KSR2: variants seen among roughly 807,000 people sequenced by gnomAD.
KSR2 encodes kinase suppressor of ras 2.
A neutral mutation model predicts 107.8 loss-of-function variants in KSR2; 25 were observed. The observed-to-expected ratio is 0.23, with a 90% CI of 0.17 to 0.32. The LOEUF is 0.32. Ranked by LOEUF, KSR2 falls within the 10% of genes least tolerant of loss-of-function variation. The pLI is 1.00. For synonymous variants in KSR2, 480 were observed against 507.0 expected, an observed-to-expected ratio of 0.95 and a Z score of 0.71; for missense variants, 887 against 1,268.9, an observed-to-expected ratio of 0.70 and a Z score of 4.57.
intron 7 of KSR2, among the ~76,000 whole-genome samples, chr12:117,569,888 GC>G (rs1417220502): frequency 1.3e-5 from 2 of 152,250 alleles, no homozygotes; most frequent in East Asian, 3.9e-4. Context: ...TCAAGCAACT[GC>G]AAGTTCACAT....
chr12:117,901,107 C>T (rs1894668931), intron 1 of KSR2, among the ~76,000 whole-genome samples: 1 of 151,852 alleles, frequency 6.6e-6, no homozygotes, highest in Non-Finnish European at 1.5e-5. Context: ...GTGCACAGTG[C>T]GTCATGGAAG....
At position 117,717,665 on chromosome 12, in the gene KSR2, AGG is replaced by A. The variant is rs1491370370; in HGVS notation, c.986+43344_986+43345del. On this transcript the variant is annotated intron_variant, in intron 4 of 19. Transcript: ENST00000339824. ...TCCATGTGGCATGTGTGGGGCAGAC[AGG>A]TGTGTGTGTGTGTGTGTGTGTGTGT... Among the ~76,000 whole-genome samples the A allele has an allele frequency of 4.7e-3, 627 of 132,624 alleles. 3 individuals carry two copies. The highest frequency in any genetic ancestry group is 0.016 in the African/African-American group (559 of 35,228). The allele number at this position is 132,624 out of a possible 152,430, so 87.0% of individuals were successfully genotyped here.
chr12:117,760,345 A>G (rs1159038587), intron 4 of KSR2, among the ~76,000 whole-genome samples: 1 of 152,192 alleles, frequency 6.6e-6, no homozygotes, highest in East Asian at 1.9e-4. Context: ...TACCACCTTC[A>G]ACTGAGATGA....
At chr12:117,720,795 G>T (rs1437002465) in intron 4 of KSR2, among the ~76,000 whole-genome samples, 3 of 152,174 alleles carry the variant, frequency 2.0e-5, no homozygotes, top group African/African-American at 7.2e-5. Context: ...CAGCAGAAGT[G>T]ATCTTGAGCC....
chr12:117,868,622 C>T (rs1449997147), intron 1 of KSR2, among the ~76,000 whole-genome samples: 1 of 152,052 alleles, frequency 6.6e-6, no homozygotes, highest in Non-Finnish European at 1.5e-5. Flanking sequence ...GTCATTTGCT[C>T]ACAATCACAC....
intron 1 of KSR2, among the ~76,000 whole-genome samples, chr12:117,891,844 C>T (rs1010259327): frequency 2.0e-5 from 3 of 151,800 alleles, no homozygotes; most frequent in Admixed American, 2.0e-4. Context: ...CAAAACATAA[C>T]AAAATATTAG....
intron 12 of KSR2, among the ~76,000 whole-genome samples, chr12:117,529,531 C>G (rs1190888096): frequency 1.3e-5 from 2 of 151,962 alleles, no homozygotes; most frequent in Non-Finnish European, 2.9e-5. Flanking sequence ...GACTTCACTT[C>G]TGCTGCACAA....
intron 3 of KSR2, among the ~76,000 whole-genome samples, chr12:117,788,307 G>T (rs1289545380): frequency 6.6e-6 from 1 of 152,140 alleles, no homozygotes; most frequent in Admixed American, 6.5e-5. Context: ...TTTACAGAAG[G>T]TAACTTCAAA....
At chr12:117,553,672 G>T (rs989906824) in intron 9 of KSR2, among the ~76,000 whole-genome samples, 34 of 152,196 alleles carry the variant, frequency 2.2e-4, no homozygotes, top group African/African-American at 8.0e-4. Context: ...AGTGTTGGAG[G>T]TGGGGCCTAG....
intron 4 of KSR2, among the ~76,000 whole-genome samples, chr12:117,747,405 G>T (rs57479320): frequency 1.3e-5 from 2 of 151,324 alleles, no homozygotes; most frequent in Non-Finnish European, 2.9e-5. Context: ...GACACAGGGT[G>T]GGGAACAACA....
intron 3 of KSR2, among the ~76,000 whole-genome samples, chr12:117,841,072 T>C (rs1173639945): frequency 6.6e-6 from 1 of 152,108 alleles, no homozygotes; most frequent in Non-Finnish European, 1.5e-5. Flanking sequence ...GCTTTCTTTT[T>C]CTCTCCCAAA....
chr12:117,602,161 T>C (rs1880993226), intron 5 of KSR2, among the ~76,000 whole-genome samples: 1 of 152,262 alleles, frequency 6.6e-6, no homozygotes, highest in Non-Finnish European at 1.5e-5. Flanking sequence ...TGTAAAAACC[T>C]ACTCTTAGCT....
chr12:117,870,461 G>A (rs67031857), intron 1 of KSR2, among the ~76,000 whole-genome samples: 21,626 of 152,068 alleles, frequency 0.14, 1,731 homozygotes, highest in Middle Eastern at 0.18. Context: ...TTAACCGGGT[G>A]TGGTGGAACA....
intron 3 of KSR2, among the ~76,000 whole-genome samples, chr12:117,793,275 C>T (rs1180794645): frequency 8.6e-5 from 10 of 115,880 alleles, no homozygotes; most frequent in South Asian, 6.8e-4. Context: ...CATGCACACA[C>T]GCCAACATGC....
At chr12:117,536,480 G>A (rs941806203) in intron 10 of KSR2, among the ~76,000 whole-genome samples, 6 of 152,172 alleles carry the variant, frequency 3.9e-5, no homozygotes, top group East Asian at 1.9e-4. Context: ...CATATATATC[G>A]TAGAAGTGCA....
At chr12:117,555,020 C>A (rs1457906356) in intron 9 of KSR2, 149 bp downstream of exon 9, 1 of 916,566 alleles carries the variant, frequency 1.1e-6, no homozygotes, top group African/African-American at 1.7e-5. Flanking sequence ...GTCCCTCAAG[C>A]TTTACTCAAC....
Position 117,944,557 on chromosome 12 carries a change from A to G in KSR2, c.180+23519T>C, listed in dbSNP as rs141695276. On this transcript the variant is annotated intron_variant, in intron 1 of 19. Transcript: ENST00000339824. ...GTGAAATGTTATCTCAGTTTGTAAAATCCTGAAAAAAAAAATGGTCAGGTG... is the reference window on the plus strand; with the variant it reads ...GTGAAATGTTATCTCAGTTTGTAAAGTCCTGAAAAAAAAAATGGTCAGGTG... Among the ~76,000 whole-genome samples the G allele has an allele frequency of 1.8e-3, 269 of 151,778 alleles. 1 individual carries two copies. The highest frequency in any genetic ancestry group is 6.1e-3 in the African/African-American group (253 of 41,396).
At chr12:117,476,091 G>A (rs1348737890) in intron 17 of KSR2, among the ~76,000 whole-genome samples, 1 of 152,240 alleles carries the variant, frequency 6.6e-6, no homozygotes, top group Non-Finnish European at 1.5e-5. Context: ...CTTGAGATAA[G>A]AAATGTTTTC....
chr12:117,738,856 C>G (rs1888050928), intron 4 of KSR2, among the ~76,000 whole-genome samples: 1 of 152,126 alleles, frequency 6.6e-6, no homozygotes, highest in Non-Finnish European at 1.5e-5. Flanking sequence ...GCCTGGGCGA[C>G]AGAGACTCTG....
Sources: allele counts gnomAD v4.1 joint callset (sites outside exome capture counted in the v4.1 genomes callset), GRCh38; gene constraint gnomAD v4.1.1; transcripts MANE v1.5; gene names NCBI Gene and HGNC (gene_info 2026-07-23, HGNC 2026-07-21).